ABCC1: variants seen among roughly 807,000 people sequenced by gnomAD.
ABCC1 encodes the protein multidrug resistance-associated protein 1.
A neutral mutation model predicts 172.9 loss-of-function variants in ABCC1; 83 were observed. The ratio of observed to expected loss-of-function variants is 0.48; its 90% CI spans 0.40 to 0.58. The LOEUF (loss-of-function observed/expected upper bound fraction) is 0.58, where lower values mean the gene tolerates loss of function less well. ABCC1 is among the 20% of genes least tolerant of loss of function. The pLI is 0.00. For missense variants in ABCC1, 1,817 were observed against 2,002.7 expected (o/e 0.91, Z 1.77); for synonymous variants, 937 against 825.2 (o/e 1.14, Z -2.32).
Position 16,141,350 on chromosome 16 carries a change from C to A in ABCC1, c.*69C>A. 1 of 1,435,900 alleles carries A rather than the reference C, an allele frequency of 7.0e-7. No homozygotes were observed. The highest frequency in any genetic ancestry group is 1.2e-5 in the South Asian group (1 of 85,606). 88.9% of individuals were successfully genotyped at this position (1,435,900 alleles called of 1,614,324 possible). A position where few individuals can be genotyped will look rare whatever the true frequency, so the allele number is the denominator to read the frequency against. ...GCCAGCGCCCAGGGAGGAGTCAGTA[C>A]CCCTGGTAAACCAAGCCTCCCACAC... On this transcript the variant is annotated 3_prime_UTR_variant, in exon 31 of 31. Transcript: ENST00000399410.
Position 16,115,012 on chromosome 16 carries a change from T to C in ABCC1, c.3326T>C (p.Leu1109Pro). The change falls in exon 23 of 31, where the codon CTG (leucine) becomes CCG (proline). Residue 1109 changes from leucine to proline, a missense_variant. Around this residue, in one of 3 missense-constraint regions of ABCC1, gnomAD observed 1,412 missense variants for 1,600.3 expected, o/e 0.88. Coordinates refer to ENST00000399410, the MANE Select transcript of ABCC1 (RefSeq NM_004996.4). ...GTCATTGGTGCCTGCATCGTTATCCTGCTGGCCACGCCCATCGCCGCCATC... is the reference window on the plus strand; with the variant it reads ...GTCATTGGTGCCTGCATCGTTATCCCGCTGGCCACGCCCATCGCCGCCATC... ...FNVIGACIVI[L>P]LATPIAAIII... The C allele has an allele frequency of 6.2e-7, 1 of 1,614,242 alleles. No homozygotes were observed. Among genetic ancestry groups the C allele is most frequent in the African/African-American group, 1.3e-5 (1 of 75,074 alleles).
At chr16:15,999,769 T>TTCTCTTTCTCTCTC (rs2047186647) in intron 1 of ABCC1, among the ~76,000 whole-genome samples, 2 of 25,360 alleles carry the variant, frequency 7.9e-5, no homozygotes, top group African/African-American at 2.1e-4. Context: ...CCCGGCCTCT[T>TTCTCTTTCTCTCTC]TCTCTCTCTC....
intron 5 of ABCC1, among the ~76,000 whole-genome samples, chr16:16,023,872 A>G (rs1220028669): frequency 6.6e-6 from 1 of 152,140 alleles, no homozygotes. Flanking sequence ...AGCAACTGGC[A>G]TGTGCAAAGG....
At chr16:15,978,793 A>T (rs560129202) in intron 1 of ABCC1, among the ~76,000 whole-genome samples, 1 of 152,210 alleles carries the variant, frequency 6.6e-6, no homozygotes, top group East Asian at 1.9e-4. Context: ...ACGTTCATTG[A>T]TGTCTAGAGA....
At chr16:16,042,564 G>A (rs1206714309) in intron 7 of ABCC1, among the ~76,000 whole-genome samples, 5 of 152,036 alleles carry the variant, frequency 3.3e-5, no homozygotes, top group African/African-American at 4.8e-5. Context: ...TTAGCTGGGT[G>A]TGGTAGCGCA....
intron 23 of ABCC1, among the ~76,000 whole-genome samples, chr16:16,120,327 G>A (rs923790596): frequency 2.0e-5 from 3 of 152,178 alleles, no homozygotes; most frequent in Non-Finnish European, 4.4e-5. Context: ...TTCCTTTTGC[G>A]TAGATGAGAA....
At chr16:16,076,220 G>T in intron 14 of ABCC1, 106 bp from the exon 15 acceptor site, 2 of 1,099,078 alleles carry the variant, frequency 1.8e-6, no homozygotes, top group South Asian at 1.5e-5. Flanking sequence ...AGCGCCATTC[G>T]TGCCAAGCGT....
Position 16,083,665 on chromosome 16 carries a change from C to T in ABCC1, c.2292+123C>T, listed in dbSNP as rs568614818. On this transcript the variant is annotated intron_variant, in intron 17 of 30. Coordinates refer to ENST00000399410, the MANE Select transcript of ABCC1 (RefSeq NM_004996.4). The stretch of plus-strand genomic sequence containing the variant: ...GCTGACCCGGCAGGGCTCAGCTGGG[C>T]GGCTCTGCTGCACGCTGCAGGCCAG... The T allele has an allele frequency of 1.7e-4, 224 of 1,304,336 alleles. No individual in the cohort carries two copies. The East Asian group carries it at 1.8e-3, about 11-fold the overall frequency. The allele number at this position is 1,304,336 out of a possible 1,614,324, so 80.8% of individuals were successfully genotyped here.
chr16:16,120,213 G>C (rs796485801), intron 23 of ABCC1, among the ~76,000 whole-genome samples: 1 of 151,814 alleles, frequency 6.6e-6, no homozygotes, highest in African/African-American at 2.4e-5. Flanking sequence ...AGGGCAGGAT[G>C]CAGGGAGGCC....
intron 1 of ABCC1, among the ~76,000 whole-genome samples, chr16:15,996,513 C>T (rs2047061778): frequency 6.6e-6 from 1 of 152,176 alleles, no homozygotes; most frequent in African/African-American, 2.4e-5. Context: ...CATTACCTCC[C>T]ATCAGTGGCA....
At chr16:15,983,699 G>A (rs1567286215) in intron 1 of ABCC1, among the ~76,000 whole-genome samples, 1 of 151,892 alleles carries the variant, frequency 6.6e-6, no homozygotes, top group Non-Finnish European at 1.5e-5. Context: ...GGGACTACAG[G>A]TGCCCACTAC....
At chr16:16,068,383 C>T in intron 13 of ABCC1, 81 bp downstream of exon 13, 2 of 1,535,948 alleles carry the variant, frequency 1.3e-6, no homozygotes, top group Non-Finnish European at 1.8e-6. Flanking sequence ...CCCCCGAGCG[C>T]AGCCTCTAGA....
At chr16:16,101,181 A>G (rs1249730299) in intron 19 of ABCC1, among the ~76,000 whole-genome samples, 1 of 151,868 alleles carries the variant, frequency 6.6e-6, no homozygotes, top group Non-Finnish European at 1.5e-5. Context: ...ACAGGCATGC[A>G]CCACCACGCC....
At chr16:16,095,490 C>T (rs111925971) in intron 19 of ABCC1, among the ~76,000 whole-genome samples, 15 of 152,298 alleles carry the variant, frequency 9.8e-5, no homozygotes, top group African/African-American at 3.6e-4. Context: ...GCTAAACATC[C>T]TACAGCACTC....
intron 1 of ABCC1, among the ~76,000 whole-genome samples, chr16:15,978,885 A>G (rs2046553677): frequency 6.6e-6 from 1 of 152,146 alleles, no homozygotes. Context: ...ACATCCTGTG[A>G]TACACGGGAC....
intron 26 of ABCC1, among the ~76,000 whole-genome samples, chr16:16,126,826 T>C (rs1040747479): frequency 1.3e-5 from 2 of 152,184 alleles, no homozygotes; most frequent in African/African-American, 2.4e-5. Flanking sequence ...AACAAGAGAA[T>C]GAGTACATGC....
intron 5 of ABCC1, among the ~76,000 whole-genome samples, chr16:16,027,977 C>T (rs1016932446): frequency 4.6e-5 from 7 of 152,120 alleles, no homozygotes; most frequent in Non-Finnish European, 1.0e-4. Flanking sequence ...CTCATTTAAT[C>T]TTCACCACCA....
At chr16:16,073,886 T>A (rs972145049) in intron 14 of ABCC1, among the ~76,000 whole-genome samples, 1 of 152,214 alleles carries the variant, frequency 6.6e-6, no homozygotes, top group Non-Finnish European at 1.5e-5. Context: ...AGATTGAATG[T>A]GTGTAAACGT....
intron 1 of ABCC1, among the ~76,000 whole-genome samples, chr16:15,980,391 A>G (rs2046594889): frequency 1.3e-5 from 2 of 152,150 alleles, no homozygotes; most frequent in Non-Finnish European, 2.9e-5. Context: ...TAGGTAGTTT[A>G]TAAGGGAAAG....
Sources: allele counts gnomAD v4.1 joint callset (sites outside exome capture counted in the v4.1 genomes callset), GRCh38; gene constraint gnomAD v4.1.1; regional missense constraint gnomAD v4.1.1; transcripts MANE v1.5; gene names NCBI Gene and HGNC (gene_info 2026-07-23, HGNC 2026-07-21).